Variants in DCDC1 observed in about 807,000 individuals in gnomAD.
DCDC1 encodes the protein doublecortin domain containing 1, also known as doublecortin domain-containing protein 1.
DCDC1 carries 200 observed loss-of-function variants against 178.3 expected under a neutral mutation model. The observed-to-expected ratio is 1.12, with a 90% confidence interval of 1.00 to 1.26. The LOEUF is 1.26. Among genes scored for constraint, DCDC1 ranks in the 50% most tolerant of loss-of-function variants. The probability of loss-of-function intolerance (pLI) is 0.00; values close to 1 mark genes in which losing one functional copy is unlikely to be tolerated. For missense variants in DCDC1, 1,983 were observed against 1,749.2 expected (o/e 1.13, Z -2.38); for synonymous variants, 690 against 604.8 (o/e 1.14, Z -2.07).
At chr11:30,977,997 TG>T (rs1373138090) in intron 20 of DCDC1, among the ~76,000 whole-genome samples, 1 of 152,226 alleles carries the variant, frequency 6.6e-6, no homozygotes, top group African/African-American at 2.4e-5. Flanking sequence ...AAGTGATTGA[TG>T]TATATTGCCA....
At chr11:31,170,280 C>G (rs1330283067) in intron 9 of DCDC1, among the ~76,000 whole-genome samples, 1 of 152,116 alleles carries the variant, frequency 6.6e-6, no homozygotes, top group African/African-American at 2.4e-5. Flanking sequence ...ACCCACTCTT[C>G]TTGGGTCCAA....
chr11:31,311,246 A>G (rs1948754531), intron 3 of DCDC1, among the ~76,000 whole-genome samples: 1 of 152,184 alleles, frequency 6.6e-6, no homozygotes, highest in African/African-American at 2.4e-5. Context: ...GCAAGCCTGC[A>G]TATGGGAAAG....
Position 31,290,862 on chromosome 11 carries a change from A to C in DCDC1, c.755-10T>G. ...ATTAACAACAGATGGTCTAGAAGAT[A>C]ATTTTTTAAGTCAAGTCAATATTTG... On this transcript the variant is annotated splice_polypyrimidine_tract_variant and intron_variant, in intron 6 of 38. Coordinates refer to ENST00000684477, the MANE Select transcript of DCDC1 (RefSeq NM_001387274.1). The C allele has an allele frequency of 6.2e-7, 1 of 1,601,016 alleles. No individual in the cohort carries two copies. The highest frequency in any genetic ancestry group is 8.5e-7 in the Non-Finnish European group (1 of 1,175,990).
chr11:30,991,095 G>A (rs1394534572), intron 20 of DCDC1, among the ~76,000 whole-genome samples: 2 of 152,170 alleles, frequency 1.3e-5, no homozygotes, highest in Non-Finnish European at 1.5e-5. Flanking sequence ...TTTGCCAAGG[G>A]AGGGCTAAGG....
chr11:31,069,108 C>T (rs1397350040), intron 18 of DCDC1, among the ~76,000 whole-genome samples: 1 of 152,144 alleles, frequency 6.6e-6, no homozygotes, highest in African/African-American at 2.4e-5. Context: ...ACCTCGGCCT[C>T]CCAAAGTGCT....
chr11:30,892,316 C>T (rs1271348729), intron 36 of DCDC1, among the ~76,000 whole-genome samples: 1 of 152,022 alleles, frequency 6.6e-6, no homozygotes, highest in African/African-American at 2.4e-5. Context: ...ATATGATAGG[C>T]TTTCTCTAAT....
intron 9 of DCDC1, among the ~76,000 whole-genome samples, chr11:31,197,820 T>G (rs1970859846): frequency 6.6e-6 from 1 of 152,060 alleles, no homozygotes; most frequent in African/African-American, 2.4e-5. Context: ...TTTCAGGAAA[T>G]GATGATGCAA....
At chr11:31,107,783 C>A (rs749154462) in intron 12 of DCDC1, among the ~76,000 whole-genome samples, 3 of 152,134 alleles carry the variant, frequency 2.0e-5, no homozygotes, top group Non-Finnish European at 4.4e-5. Flanking sequence ...CTCTTCCTTG[C>A]TCTGCACTCC....
intron 17 of DCDC1, 128 bp from the exon 18 acceptor site, chr11:31,078,053 C>A: frequency 1.5e-6 from 1 of 647,044 alleles, no homozygotes. Flanking sequence ...AAAGATTCTG[C>A]CACCATCACT....
chr11:30,965,643 C>A (rs1398878466), intron 20 of DCDC1, among the ~76,000 whole-genome samples: 1 of 145,406 alleles, frequency 6.9e-6, no homozygotes, highest in Non-Finnish European at 1.5e-5. Context: ...TGTACATGTG[C>A]ACATTGTGCA....
chr11:31,271,965 A>AGCCT (rs1445094762), intron 7 of DCDC1, among the ~76,000 whole-genome samples: 1 of 152,180 alleles, frequency 6.6e-6, no homozygotes, highest in Non-Finnish European at 1.5e-5. Context: ...GTTTGAGACC[A>AGCCT]GCCTGGCCAA....
intron 1 of DCDC1, among the ~76,000 whole-genome samples, chr11:31,359,027 G>A (rs942068324): frequency 3.3e-5 from 5 of 152,258 alleles, no homozygotes; most frequent in African/African-American, 7.2e-5. Context: ...TCAGTGTGGC[G>A]ATTCCTCAGG....
At chr11:31,346,443 G>T (rs965895625) in intron 1 of DCDC1, among the ~76,000 whole-genome samples, 1 of 124,570 alleles carries the variant, frequency 8.0e-6, no homozygotes, top group Non-Finnish European at 1.6e-5. Flanking sequence ...CAGCCTGGGC[G>T]ACAGAAGGAG....
chr11:30,972,223 C>G (rs1001314267), intron 20 of DCDC1, among the ~76,000 whole-genome samples: 1 of 152,110 alleles, frequency 6.6e-6, no homozygotes, highest in Non-Finnish European at 1.5e-5. Context: ...ATTCTAAACA[C>G]AGCTAGAGAA....
At chr11:30,891,265 G>A (rs918164172) in intron 36 of DCDC1, among the ~76,000 whole-genome samples, 1 of 152,080 alleles carries the variant, frequency 6.6e-6, no homozygotes, top group African/African-American at 2.4e-5. Context: ...ATAATTTACA[G>A]CATCTAGAAT....
At chr11:31,018,883 G>T (rs1175976940) in intron 20 of DCDC1, among the ~76,000 whole-genome samples, 1 of 152,138 alleles carries the variant, frequency 6.6e-6, no homozygotes, top group Non-Finnish European at 1.5e-5. Context: ...ATAAGGTGTG[G>T]CTTTTATAGG....
intron 11 of DCDC1, among the ~76,000 whole-genome samples, chr11:31,111,401 C>T (rs915272737): frequency 1.3e-5 from 2 of 151,850 alleles, no homozygotes; most frequent in South Asian, 2.1e-4. Context: ...ACTTCCTCAG[C>T]CTTTAGTCAT....
intron 20 of DCDC1, among the ~76,000 whole-genome samples, chr11:31,026,605 C>T (rs1953253892): frequency 1.3e-5 from 2 of 151,816 alleles, no homozygotes; most frequent in Admixed American, 6.6e-5. Flanking sequence ...GATAAAATTA[C>T]AGCAAGTGCT....
At chr11:31,293,128 G>A (rs542986272) in intron 6 of DCDC1, among the ~76,000 whole-genome samples, 8 of 152,086 alleles carry the variant, frequency 5.3e-5, no homozygotes, top group Admixed American at 6.5e-5. Flanking sequence ...CTAACATATC[G>A]AAGTCATTCC....
Sources: gnomAD v4.1 joint callset for allele counts (sites outside exome capture counted in the v4.1 genomes callset) on GRCh38, gnomAD v4.1.1 for gene constraint, MANE v1.5 for transcripts, NCBI Gene and HGNC (gene_info 2026-07-23, HGNC 2026-07-21) for gene names.